Variants in USP25 observed in about 807,000 individuals in gnomAD.
The protein encoded by USP25 is ubiquitin carboxyl-terminal hydrolase 25.
A neutral mutation model predicts 158.5 loss-of-function variants in USP25; 85 were observed. The ratio of observed to expected loss-of-function variants is 0.54; its 90% CI spans 0.45 to 0.64. The LOEUF is 0.64. Ranked by LOEUF, USP25 falls within the 30% of genes least tolerant of loss-of-function variation. The probability of loss-of-function intolerance (pLI) is 0.00; values close to 1 mark genes in which losing one functional copy is unlikely to be tolerated. For synonymous variants in USP25, 464 were observed against 460.4 expected (o/e 1.01, Z -0.10); for missense variants, 1,242 against 1,327.3 (o/e 0.94, Z 1.00).
At chr21:15,866,209 A>G (rs947324586) in intron 21 of USP25, 57 bp from the exon 22 acceptor site, 178 of 1,040,946 alleles carry the variant, frequency 1.7e-4, no homozygotes, top group Non-Finnish European at 2.2e-4. Context: ...ACAAATATAT[A>G]TATATATATA....
chr21:15,830,645 C>A, intron 15 of USP25, 44 bp downstream of exon 15: 1 of 1,407,428 alleles, frequency 7.1e-7, no homozygotes, highest in Non-Finnish European at 9.7e-7. Flanking sequence ...AAATTATTTA[C>A]ATATATTTTA....
chr21:15,831,633 A>T lies in USP25; in HGVS notation c.1993+4A>T, dbSNP rs980174610. 10 of 1,608,324 alleles carry T rather than the reference A, an allele frequency of 6.2e-6. No homozygotes were observed. Among genetic ancestry groups the T allele is most frequent in the Non-Finnish European group, 7.7e-6 (9 of 1,175,342 alleles). On this transcript the variant is annotated splice_donor_region_variant and intron_variant, in intron 16 of 25. Transcript: ENST00000400183. ...AAGGCACAGTTCCTAATACAAGGTA[A>T]GAATATATAGGGTGGTGTGTATTTT... is the stretch of plus-strand genomic sequence containing the variant.
At chr21:15,801,290 A>G (rs143097504) in intron 6 of USP25, among the ~76,000 whole-genome samples, 3 of 151,642 alleles carry the variant, frequency 2.0e-5, no homozygotes, top group African/African-American at 7.2e-5. Flanking sequence ...AACAGTTGCT[A>G]TATTTATGCT....
rs930006574 is a variant in USP25, at chr21:15,879,602, C to T, written c.*1127C>T. On this transcript the variant is annotated 3_prime_UTR_variant, in exon 26 of 26. Coordinates refer to ENST00000400183, the MANE Select transcript of USP25 (RefSeq NM_001283041.3). ...ATGAATTAATATTGTGAATGAAAAT[C>T]AAAATCCATACTTTAAAGGTAATCA... 3 of 152,426 alleles carry T rather than the reference C, an allele frequency of 2.0e-5. No individual in the cohort carries two copies. The highest frequency in any genetic ancestry group is 4.4e-5 in the Non-Finnish European group (3 of 67,958). The allele number at this position is 152,426 out of a possible 1,614,324, so 9.4% of individuals were successfully genotyped here.
chr21:15,758,247 G>A (rs2033512253), intron 1 of USP25, among the ~76,000 whole-genome samples: 2 of 152,150 alleles, frequency 1.3e-5, no homozygotes, highest in African/African-American at 2.4e-5. Flanking sequence ...GTATTAGTCT[G>A]TTCTCACGCT....
chr21:15,824,532 G>C (rs1470766230), intron 11 of USP25, among the ~76,000 whole-genome samples: 1 of 151,720 alleles, frequency 6.6e-6, no homozygotes, highest in Non-Finnish European at 1.5e-5. Context: ...CTGTCTCTCT[G>C]TCTTCCTGTC....
At chr21:15,860,214 A>G (rs2039364904) in intron 20 of USP25, among the ~76,000 whole-genome samples, 1 of 151,964 alleles carries the variant, frequency 6.6e-6, no homozygotes, top group Non-Finnish European at 1.5e-5. Context: ...GTGCAATGGC[A>G]TGATCTCAGC....
At chr21:15,772,132 T>C (rs1029227119) in intron 3 of USP25, among the ~76,000 whole-genome samples, 1 of 152,198 alleles carries the variant, frequency 6.6e-6, no homozygotes, top group African/African-American at 2.4e-5. Context: ...GGAAAGTGAA[T>C]TATGAGTTAT....
chr21:15,767,680 T>C (rs2034122069), intron 3 of USP25, among the ~76,000 whole-genome samples: 1 of 151,822 alleles, frequency 6.6e-6, no homozygotes, highest in Non-Finnish European at 1.5e-5. Flanking sequence ...ACTAGATGGG[T>C]GATAAAAGGG....
chr21:15,878,602 A>G lies in USP25; in HGVS notation c.*127A>G. 1 of 1,022,084 alleles carries G rather than the reference A, an allele frequency of 9.8e-7. No individual in the cohort carries two copies. The highest frequency in any genetic ancestry group is 1.3e-6 in the Non-Finnish European group (1 of 741,568). 63.3% of individuals were successfully genotyped at this position (1,022,084 alleles called of 1,614,324 possible). A position where few individuals can be genotyped will look rare whatever the true frequency, so the allele number is the denominator to read the frequency against. On this transcript the variant is annotated 3_prime_UTR_variant, in exon 26 of 26. Transcript: ENST00000400183. ...TTTTTTATTTTAATAACTGCAAAAG[A>G]CAAAATGACTATACAGACTTTAGTC...
chr21:15,809,827 G>T (rs2036569592), intron 8 of USP25, among the ~76,000 whole-genome samples: 3 of 152,138 alleles, frequency 2.0e-5, no homozygotes, highest in Admixed American at 1.3e-4. Flanking sequence ...ATCCTGAAAA[G>T]CACAGAAGTT....
At chr21:15,754,898 T>C (rs1442353222) in intron 1 of USP25, among the ~76,000 whole-genome samples, 1 of 152,204 alleles carries the variant, frequency 6.6e-6, no homozygotes, top group Admixed American at 6.5e-5. Context: ...ATGAAGGATG[T>C]GTTATGTACT....
Position 15,826,168 on chromosome 21 carries a change from A to G in USP25, c.1305-36A>G, listed in dbSNP as rs761873075. The G allele has an allele frequency of 2.2e-5, 36 of 1,604,734 alleles. No individual in the cohort carries two copies. The highest frequency in any genetic ancestry group is 8.4e-5 in the Admixed American group (5 of 59,566). On this transcript the variant is annotated intron_variant, in intron 12 of 25. Coordinates refer to ENST00000400183, the MANE Select transcript of USP25 (RefSeq NM_001283041.3). This position sits in a 1 kb window ranked among gnomAD's most constrained non-coding sequence, Gnocchi z 4.8. ...ATAAAGGCCCAAATATGCTGTATAT[A>G]GAAATAAAAGCATTTGTACATTTTA...
intron 4 of USP25, among the ~76,000 whole-genome samples, chr21:15,791,247 T>C (rs2035574257): frequency 6.6e-6 from 1 of 151,896 alleles, no homozygotes; most frequent in Non-Finnish European, 1.5e-5. Flanking sequence ...TGAAATGTGA[T>C]TTATTGTACT....
At chr21:15,867,582 C>A (rs188004364) in intron 22 of USP25, among the ~76,000 whole-genome samples, 363 of 152,078 alleles carry the variant, frequency 2.4e-3, no homozygotes, top group African/African-American at 8.3e-3. Flanking sequence ...AAAGAAGAAA[C>A]AAAGACATCA....
intron 4 of USP25, among the ~76,000 whole-genome samples, chr21:15,783,528 T>G (rs2035088526): frequency 6.6e-6 from 1 of 152,114 alleles, no homozygotes; most frequent in Admixed American, 6.5e-5. Context: ...AGACTGTCAG[T>G]ACATTTCTCA....
intron 1 of USP25, among the ~76,000 whole-genome samples, chr21:15,731,829 C>G (rs2030940783): frequency 6.6e-6 from 1 of 152,172 alleles, no homozygotes; most frequent in Non-Finnish European, 1.5e-5. Flanking sequence ...TTTTTAAAGA[C>G]TTAAGGCTTA....
intron 16 of USP25, among the ~76,000 whole-genome samples, chr21:15,832,941 C>T (rs1001097680): frequency 3.3e-5 from 5 of 152,044 alleles, no homozygotes; most frequent in African/African-American, 1.2e-4. Flanking sequence ...TCGTCTGAAC[C>T]CGGAAGGCGG....
At chr21:15,746,233 G>A (rs1368506571) in intron 1 of USP25, among the ~76,000 whole-genome samples, 1 of 152,082 alleles carries the variant, frequency 6.6e-6, no homozygotes, top group African/African-American at 2.4e-5. Context: ...AGCCTTCTGG[G>A]GTTTCTGAGT....
Sources: gnomAD v4.1 joint callset for allele counts (sites outside exome capture counted in the v4.1 genomes callset) on GRCh38, gnomAD v4.1.1 for gene constraint, Gnocchi (gnomAD v3.1) non-coding constraint, MANE v1.5 for transcripts, NCBI Gene and HGNC (gene_info 2026-07-23, HGNC 2026-07-21) for gene names.